CSMD1: variants seen among roughly 807,000 people sequenced by gnomAD.
CSMD1 encodes the protein CUB and sushi domain-containing protein 1.
A neutral mutation model predicts 417.5 loss-of-function variants in CSMD1; 213 were observed. The ratio of observed to expected loss-of-function variants is 0.51; its 90% CI spans 0.46 to 0.57. CSMD1 has a LOEUF of 0.57. Among genes scored for constraint, CSMD1 ranks in the 20% least tolerant of loss-of-function variants. CSMD1 has a pLI of 0.00. For missense variants in CSMD1, 6,923 were observed against 4,529.7 expected, an observed-to-expected ratio of 1.53 and a Z score of -15.17; for synonymous variants, 2,862 against 1,736.8, an observed-to-expected ratio of 1.65 and a Z score of -16.11.
chr8:4,353,066 G>A (rs1445529747), intron 3 of CSMD1, among the ~76,000 whole-genome samples: 2 of 152,178 alleles, frequency 1.3e-5, no homozygotes, highest in Non-Finnish European at 2.9e-5. Flanking sequence ...AGTAAAATCA[G>A]ATATTGTCAA....
chr8:4,380,851 A>T (rs949710835), intron 3 of CSMD1, among the ~76,000 whole-genome samples: 2 of 152,170 alleles, frequency 1.3e-5, no homozygotes, highest in Admixed American at 1.3e-4. Flanking sequence ...ATATCTCATT[A>T]TTTTATTAGT....
rs112804254 is a variant in CSMD1, at chr8:3,494,717, C to G, written c.1345-991G>C. Among the ~76,000 whole-genome samples, 21 of 151,862 alleles carry G rather than the reference C, an allele frequency of 1.4e-4. 1 individual carries two copies. Among genetic ancestry groups the G allele is most frequent in the African/African-American group, 3.1e-4 (13 of 41,388 alleles). On this transcript the variant is annotated intron_variant, in intron 10 of 69. Transcript: ENST00000635120. ...ATAAATGAGAGAGAGAGAGATGTAACAAGAGAGACGCAGAGGGTGTGAGAA... is the reference window on the plus strand; with the variant it reads ...ATAAATGAGAGAGAGAGAGATGTAAGAAGAGAGACGCAGAGGGTGTGAGAA...
At chr8:3,437,310 C>G (rs1814627576) in intron 12 of CSMD1, among the ~76,000 whole-genome samples, 1 of 152,142 alleles carries the variant, frequency 6.6e-6, no homozygotes, top group Admixed American at 6.6e-5. Context: ...CACGTCAACC[C>G]CACTCCATTA....
At chr8:3,496,615 C>G (rs1796376022) in intron 10 of CSMD1, among the ~76,000 whole-genome samples, 1 of 152,100 alleles carries the variant, frequency 6.6e-6, no homozygotes, top group Non-Finnish European at 1.5e-5. Context: ...GTCATGAGGT[C>G]AGGAATTCGA....
intron 4 of CSMD1, among the ~76,000 whole-genome samples, chr8:4,014,654 G>C (rs1202754779): frequency 3.3e-5 from 5 of 152,186 alleles, no homozygotes; most frequent in African/African-American, 7.2e-5. Flanking sequence ...GTCTTAGCAA[G>C]AAAAGAGCTC....
At chr8:3,307,286 T>A (rs1183688028) in intron 25 of CSMD1, among the ~76,000 whole-genome samples, 1 of 151,706 alleles carries the variant, frequency 6.6e-6, no homozygotes, top group East Asian at 1.9e-4. Flanking sequence ...AAGCCTGGTG[T>A]GCAGGGGCTC....
chr8:4,604,737 C>T (rs955925154), intron 2 of CSMD1, among the ~76,000 whole-genome samples: 9 of 152,112 alleles, frequency 5.9e-5, no homozygotes, highest in Admixed American at 3.3e-4. Flanking sequence ...AACATTTATG[C>T]ACAAAATATT....
intron 2 of CSMD1, among the ~76,000 whole-genome samples, chr8:4,532,925 G>A (rs1455639898): frequency 1.3e-5 from 2 of 150,876 alleles, no homozygotes; most frequent in East Asian, 4.0e-4. Context: ...GAGAAATCTT[G>A]CACCTGCATT....
intron 3 of CSMD1, among the ~76,000 whole-genome samples, chr8:4,059,438 A>C (rs1226108351): frequency 6.6e-6 from 1 of 152,228 alleles, no homozygotes; most frequent in African/African-American, 2.4e-5. Flanking sequence ...GAAATAACTA[A>C]AATCAGAGCA....
At chr8:3,821,208 G>A (rs1352432599) in intron 5 of CSMD1, among the ~76,000 whole-genome samples, 2 of 152,198 alleles carry the variant, frequency 1.3e-5, no homozygotes, top group South Asian at 2.1e-4. Flanking sequence ...GTGAACCACC[G>A]TACCCAGCTC....
At chr8:4,345,236 G>T (rs1234701430) in intron 3 of CSMD1, among the ~76,000 whole-genome samples, 1 of 152,158 alleles carries the variant, frequency 6.6e-6, no homozygotes, top group Non-Finnish European at 1.5e-5. Flanking sequence ...TTGCGGTTTG[G>T]AGGTGAAATG....
intron 3 of CSMD1, among the ~76,000 whole-genome samples, chr8:4,071,659 T>G (rs1431923936): frequency 6.6e-6 from 1 of 152,194 alleles, no homozygotes; most frequent in Non-Finnish European, 1.5e-5. Flanking sequence ...GTGGAGTGAT[T>G]AGTTGTTGTT....
intron 7 of CSMD1, among the ~76,000 whole-genome samples, chr8:3,669,987 G>A (rs1300960742): frequency 1.3e-5 from 2 of 152,078 alleles, no homozygotes; most frequent in Non-Finnish European, 2.9e-5. Flanking sequence ...AAGCTATCAG[G>A]TGCAATTGCA....
chr8:3,732,014 C>G (rs17326887), intron 6 of CSMD1, among the ~76,000 whole-genome samples: 17,634 of 151,288 alleles, frequency 0.12, 1,157 homozygotes, highest in African/African-American at 0.15. Flanking sequence ...GTAAGAAGAG[C>G]AGAATGCATG....
intron 1 of CSMD1, 85 bp downstream of exon 1, chr8:4,994,247 C>A: frequency 8.1e-7 from 1 of 1,234,298 alleles, no homozygotes; most frequent in South Asian, 1.3e-5. Context: ...CCGTACCCTG[C>A]GGTCCCCAAA....
At chr8:3,083,610 TTATATATATATATATA>T (rs1554507974) in intron 49 of CSMD1, among the ~76,000 whole-genome samples, 6 of 30,926 alleles carry the variant, frequency 1.9e-4, no homozygotes, top group South Asian at 1.7e-3. Flanking sequence ...ACCATAATTT[TTATATATATATATATA>T]TATATATATA....
intron 5 of CSMD1, among the ~76,000 whole-genome samples, chr8:3,788,050 G>C (rs140570902): frequency 1.3e-5 from 2 of 152,148 alleles, no homozygotes; most frequent in African/African-American, 4.8e-5. Flanking sequence ...TCACACACTG[G>C]CTCAAAAAGC....
At chr8:3,032,403 T>C (rs1343444711) in intron 50 of CSMD1, among the ~76,000 whole-genome samples, 1 of 151,998 alleles carries the variant, frequency 6.6e-6, no homozygotes, top group African/African-American at 2.4e-5. Flanking sequence ...CATGCACCCC[T>C]GCGTTCATAC....
chr8:3,658,283 T>C (rs892151522), intron 7 of CSMD1, among the ~76,000 whole-genome samples: 2 of 152,044 alleles, frequency 1.3e-5, no homozygotes, highest in Admixed American at 6.6e-5. Context: ...TTATCAATGA[T>C]TGTATTTGTG....
Sources: gnomAD v4.1 joint callset for allele counts (sites outside exome capture counted in the v4.1 genomes callset) on GRCh38, gnomAD v4.1.1 for gene constraint, MANE v1.5 for transcripts, NCBI Gene and HGNC (gene_info 2026-07-23, HGNC 2026-07-21) for gene names.